HSPG2: variants seen among roughly 807,000 people sequenced by gnomAD.
HSPG2 encodes the protein basement membrane-specific heparan sulfate proteoglycan core protein.
Under a neutral mutation model 526.6 loss-of-function variants are expected in HSPG2, and 278 were observed. The observed-to-expected ratio is 0.53, with a 90% CI of 0.48 to 0.58. The LOEUF is 0.58. Ranked by LOEUF, HSPG2 falls within the 20% of genes least tolerant of loss-of-function variation. The probability of loss-of-function intolerance (pLI) is 0.00; values close to 1 mark genes in which losing one functional copy is unlikely to be tolerated. For missense variants in HSPG2, 5,354 were observed against 6,099.5 expected (o/e 0.88, Z 4.07); for synonymous variants, 2,465 against 2,555.4 (o/e 0.96, Z 1.07).
Position 21,880,122 on chromosome 1 carries a change from C to T in HSPG2, c.2328G>A (p.Val776=), listed in dbSNP as rs778182317. 1 of 1,614,108 alleles carries T rather than the reference C, an allele frequency of 6.2e-7. No individual in the cohort carries two copies. Among genetic ancestry groups the T allele is most frequent in the South Asian group, 1.1e-5 (1 of 91,078 alleles). The change falls in exon 17 of 97, where the codon GTG becomes GTA. Residue 776 remains valine (V), a synonymous_variant. Transcript: ENST00000374695. ...CACTACTCACCAGGCAGTGGCCATA[C>T]ACAGGGTCACAGGAGCTGGCATGGC... The part of the protein sequence containing the change: ...CNGHASSCDP[V]YGHCLNCQHN...
chr1:21,837,501 C>G (rs571723395), intron 74 of HSPG2, among the ~76,000 whole-genome samples: 1 of 151,110 alleles, frequency 6.6e-6, no homozygotes, highest in South Asian at 2.1e-4. Context: ...GTTGCCCAGG[C>G]TGGTCTCAAA....
chr1:21,848,798 G>A lies in HSPG2; in HGVS notation c.7586-4C>T, dbSNP rs1483719572. The A allele has an allele frequency of 1.9e-6, 3 of 1,613,588 alleles. No homozygotes were observed. The African/African-American group carries it at 4.0e-5, about 22-fold the overall frequency. ...ACGGGGTACGCCACACCCTGGGCTGGGAGGGTGAGATGTAAGGCAGGGTGT... is the reference window on the plus strand; with the variant it reads ...ACGGGGTACGCCACACCCTGGGCTGAGAGGGTGAGATGTAAGGCAGGGTGT... On this transcript the variant is annotated splice_region_variant and splice_polypyrimidine_tract_variant and intron_variant, in intron 58 of 96. Transcript: ENST00000374695. The surrounding 1 kb of genome is among the most constrained non-coding windows in gnomAD (Gnocchi z 4.9).
At position 21,885,382 on chromosome 1, in the gene HSPG2, G is replaced by A. The variant is rs146625859; in HGVS notation, c.1148C>T (p.Pro383Leu). The change falls in exon 10 of 97, where the codon CCA (proline) becomes CTA (leucine). Residue 383 changes from proline (P) to leucine (L), a missense_variant. Transcript: ENST00000374695. ...FRCVSTNMCI[P>L]ASFHCDEESD... Reference sequence around the variant, plus strand: ...CTCCTCGTCACAGTGGAAGCTGGCTGGGATGCACATGTTGGTAGAGACGCA... The same window carrying A: ...CTCCTCGTCACAGTGGAAGCTGGCTAGGATGCACATGTTGGTAGAGACGCA... The A allele has an allele frequency of 6.2e-7, 1 of 1,613,990 alleles. No individual in the cohort carries two copies. The highest frequency in any genetic ancestry group is 8.5e-7 in the Non-Finnish European group (1 of 1,180,014).
Position 21,881,612 on chromosome 1 carries a change from T to C in HSPG2, c.1655-110A>G, listed in dbSNP as rs1290618248. On this transcript the variant is annotated intron_variant, in intron 13 of 96. Coordinates refer to ENST00000374695, the MANE Select transcript of HSPG2 (RefSeq NM_005529.7). ...GGGAAAGTTCTAGTGGAAATTTGAT[T>C]TCGAGAAAACTTTGATCTCTCTTCC... 1.1e-5 allele frequency: 12 copies of C among 1,088,948 alleles called. No individual in the cohort carries two copies. In the East Asian group the frequency reaches 2.6e-4, roughly 24 times the overall value. The allele number at this position is 1,088,948 out of a possible 1,614,324, so 67.5% of individuals were successfully genotyped here.
Position 21,848,189 on chromosome 1 carries a change from T to G in HSPG2, c.7738-96A>C. The G allele has an allele frequency of 2.9e-6, 4 of 1,396,870 alleles. No individual in the cohort carries two copies. The highest frequency in any genetic ancestry group is 3.9e-6 in the Non-Finnish European group (4 of 1,019,702). 86.5% of individuals were successfully genotyped at this position (1,396,870 alleles called of 1,614,324 possible). Reference sequence around the variant, plus strand: ...CCGCTGCCCCTGGACTCTGGGGGCCTCCCTGCCTTGCCTCCTCAGTGGCCT... The same window carrying G: ...CCGCTGCCCCTGGACTCTGGGGGCCGCCCTGCCTTGCCTCCTCAGTGGCCT... On this transcript the variant is annotated intron_variant, in intron 59 of 96. Transcript: ENST00000374695. The surrounding 1 kb of genome is among the most constrained non-coding windows in gnomAD (Gnocchi z 4.9).
rs1306909351 is a variant in HSPG2 at position 21,848,703 on chromosome 1, G to A, written c.7677C>T (p.Ser2559=). The A allele has an allele frequency of 6.2e-7, 1 of 1,613,922 alleles. No individual in the cohort carries two copies. The highest frequency in any genetic ancestry group is 8.5e-7 in the Non-Finnish European group (1 of 1,179,986). Residue 2559 remains serine (S), a synonymous_variant, in exon 59 of 97, where the codon AGC becomes AGT. Coordinates refer to ENST00000374695, the MANE Select transcript of HSPG2 (RefSeq NM_005529.7). The surrounding 1 kb of genome is among the most constrained non-coding windows in gnomAD (Gnocchi z 4.9). ...HTLDLNCLVA[S]QAPHTITWYK... ...ACCAGGTGATGGTGTGGGGAGCCTG[G>A]CTGGCAACCAGGCAGTTGAGGTCCA...
In HSPG2 at chr1:21,863,459, C is replaced by T. The variant is rs542795428; in HGVS notation, c.4740+641G>A. On this transcript the variant is annotated intron_variant, in intron 37 of 96. Coordinates refer to ENST00000374695, the MANE Select transcript of HSPG2 (RefSeq NM_005529.7). ...ACAGATTCTCCTCCAAAGAGATTCA[C>T]GTTTGTGGTATCAACAATAGGGTGT... Among the ~76,000 whole-genome samples the T allele has an allele frequency of 2.0e-4, 30 of 152,240 alleles. No homozygotes were observed. In the Middle Eastern group the frequency reaches 0.017, roughly 86 times the overall value.
intron 39 of HSPG2, among the ~76,000 whole-genome samples, chr1:21,860,592 C>T (rs1639713276): frequency 1.3e-5 from 2 of 152,074 alleles, no homozygotes; most frequent in South Asian, 4.1e-4. Context: ...CCGGGGTTCA[C>T]ACCATTCTCC....
At chr1:21,909,143 CAGA>C (rs535942060) in intron 1 of HSPG2, among the ~76,000 whole-genome samples, 3 of 152,220 alleles carry the variant, frequency 2.0e-5, no homozygotes, top group South Asian at 4.2e-4. Flanking sequence ...AGGACAGAGC[CAGA>C]AGGAGTCAGG....
chr1:21,831,426 A>G, intron 83 of HSPG2, 37 bp downstream of exon 83: 2 of 1,607,886 alleles, frequency 1.2e-6, no homozygotes, highest in Non-Finnish European at 1.7e-6. Context: ...CAGCCAGGTA[A>G]GGCCCAGCCT....
At chr1:21,882,689 A>G (rs1209159319) in intron 13 of HSPG2, among the ~76,000 whole-genome samples, 5 of 152,124 alleles carry the variant, frequency 3.3e-5, no homozygotes, top group Non-Finnish European at 2.9e-5. Context: ...TTGTATTTCA[A>G]TTTAAAGAGC....
At position 21,888,046 on chromosome 1, in the gene HSPG2, A is replaced by G; in HGVS notation, c.595T>C (p.Cys199Arg). 6.2e-7 allele frequency: 1 copy of G among 1,614,088 alleles called. No individual in the cohort carries two copies. The highest frequency in any genetic ancestry group is 8.5e-7 in the Non-Finnish European group (1 of 1,180,002). Residue 199 changes from cysteine to arginine, a missense_variant, in exon 7 of 97, where the codon TGC becomes CGC. Cys to Arg is a radical substitution (Grantham distance 180, BLOSUM62 -3). Coordinates refer to ENST00000374695, the MANE Select transcript of HSPG2 (RefSeq NM_005529.7). ...TGGCAGGCAAACTCGGCCTCCGTGCAGGCTCTTGGGAACTGGGGCACTGCA... is the reference window on the plus strand; with the variant it reads ...TGGCAGGCAAACTCGGCCTCCGTGCGGGCTCTTGGGAACTGGGGCACTGCA... ...LGTVPQFPRA[C>R]TEAEFACHSY... is the part of the protein sequence containing the mutation.
chr1:21,915,453 C>A (rs148886501), intron 1 of HSPG2, among the ~76,000 whole-genome samples: 5 of 152,242 alleles, frequency 3.3e-5, no homozygotes, highest in Non-Finnish European at 4.4e-5. Context: ...GAAGGCAAGT[C>A]ATGGAGTTTT....
Position 21,850,428 on chromosome 1 carries a change from A to G in HSPG2, c.7229T>C (p.Leu2410Ser), listed in dbSNP as rs755463340. 7.4e-6 allele frequency: 12 copies of G among 1,611,646 alleles called. No homozygotes were observed. The highest frequency in any genetic ancestry group is 1.0e-5 in the Non-Finnish European group (12 of 1,178,922). The part of the protein sequence containing the change: ...ADSGEYVCRV[L>S]GSSVPLEASV... ...GGCCTCTAGAGGCACGGAGCTGCCC[A>G]ACACTCGGCACACGTACTCGCCCGA... Residue 2410 changes from leucine to serine, a missense_variant, in exon 56 of 97, where the codon TTG (leucine) becomes TCG (serine). Leu to Ser is a moderately radical substitution (Grantham distance 145, BLOSUM62 -2). Transcript: ENST00000374695.
chr1:21,934,988 C>A (rs903896503), intron 1 of HSPG2, among the ~76,000 whole-genome samples: 3 of 150,954 alleles, frequency 2.0e-5, no homozygotes, highest in Non-Finnish European at 4.4e-5. Flanking sequence ...CTCACTGCAA[C>A]CTCCGCCTCC....
At chr1:21,934,693 T>G (rs1644437983) in intron 1 of HSPG2, among the ~76,000 whole-genome samples, 2 of 151,794 alleles carry the variant, frequency 1.3e-5, no homozygotes, top group South Asian at 4.2e-4. Flanking sequence ...CCTCCCGGGT[T>G]AACGCCATTC....
intron 1 of HSPG2, among the ~76,000 whole-genome samples, chr1:21,936,868 C>G (rs1384977528): frequency 6.6e-6 from 1 of 152,176 alleles, no homozygotes; most frequent in Non-Finnish European, 1.5e-5. Context: ...CCATGCCCAG[C>G]GAGACTCCAG....
chr1:21,859,885 G>T lies in HSPG2; in HGVS notation c.5132C>A (p.Ser1711Tyr), dbSNP rs1320568035. ...SGSPPHYFYW[S>Y]REDGRPVPSG... is the part of the protein sequence containing the mutation. Reference sequence around the variant, plus strand: ...GGGCACAGGCCGCCCATCCTCACGGGACCAATAGAAGTAGTGGGGTGGGCT... The same window carrying T: ...GGGCACAGGCCGCCCATCCTCACGGTACCAATAGAAGTAGTGGGGTGGGCT... The change falls in exon 41 of 97, where the codon TCC becomes TAC. Residue 1711 changes from serine to tyrosine, a missense_variant. Physicochemically the swap from Ser to Tyr is moderately radical, Grantham distance 144. Coordinates refer to ENST00000374695, the MANE Select transcript of HSPG2 (RefSeq NM_005529.7). The surrounding 1 kb of genome is among the most constrained non-coding windows in gnomAD (Gnocchi z 5.3). 2 of 1,611,218 alleles carry T rather than the reference G, an allele frequency of 1.2e-6. No homozygotes were observed. The highest frequency in any genetic ancestry group is 4.5e-5 in the East Asian group (2 of 44,816).
At chr1:21,877,059 CA>C (rs3077630) in intron 21 of HSPG2, among the ~76,000 whole-genome samples, 2 of 103,120 alleles carry the variant, frequency 1.9e-5, no homozygotes, top group African/African-American at 3.9e-5. Flanking sequence ...GACTCCATCT[CA>C]AAAAAAAAAA....
Sources: gnomAD v4.1 joint callset for allele counts (sites outside exome capture counted in the v4.1 genomes callset) on GRCh38, gnomAD v4.1.1 for gene constraint, Gnocchi (gnomAD v3.1) non-coding constraint, MANE v1.5 for transcripts, NCBI Gene and HGNC (gene_info 2026-07-23, HGNC 2026-07-21) for gene names.